BHMT: variants seen among roughly 807,000 people sequenced by gnomAD.
BHMT encodes betaine--homocysteine S-methyltransferase.
BHMT carries 38 observed loss-of-function variants against 49.5 expected under a neutral mutation model. The ratio of observed to expected loss-of-function variants is 0.77; its 90% CI spans 0.59 to 1.01. The LOEUF (loss-of-function observed/expected upper bound fraction) is 1.01. Among genes scored for constraint, BHMT ranks in the 50% least tolerant of loss-of-function variants. The probability of loss-of-function intolerance (pLI) is 0.00; values close to 1 mark genes in which losing one functional copy is unlikely to be tolerated. For missense variants in BHMT, 426 were observed against 495.7 expected (o/e 0.86, Z 1.34); for synonymous variants, 166 against 176.3 (o/e 0.94, Z 0.46).
chr5:79,121,165 A>AAG (rs966546349), intron 4 of BHMT, 53 bp from the exon 5 acceptor site: 44 of 1,579,604 alleles, frequency 2.8e-5, no homozygotes, highest in Non-Finnish European at 3.7e-5. Context: ...AAAAAAAAAA[A>AAG]ATTGTTTTGG....
chr5:79,116,072 G>T, intron 2 of BHMT, 173 bp downstream of exon 2: 1 of 733,746 alleles, frequency 1.4e-6, no homozygotes, highest in South Asian at 4.5e-5. Context: ...TTAAAAATTA[G>T]CTGGACATGG....
chr5:79,128,243 G>A (rs1012407016), intron 7 of BHMT: 2 of 422,836 alleles, frequency 4.7e-6, no homozygotes, highest in Admixed American at 8.3e-5. Context: ...AATATAGGCT[G>A]GGTGCGGTGG....
chr5:79,118,123 C>T (rs781125904), intron 2 of BHMT, among the ~76,000 whole-genome samples: 4 of 152,180 alleles, frequency 2.6e-5, no homozygotes, highest in Non-Finnish European at 5.9e-5. Context: ...ATTTCTTAAA[C>T]TGAATACTTT....
intron 6 of BHMT, among the ~76,000 whole-genome samples, chr5:79,126,946 G>C (rs1756561147): frequency 6.6e-6 from 1 of 152,162 alleles, no homozygotes; most frequent in Non-Finnish European, 1.5e-5. Context: ...ATATTTTATA[G>C]GGACCCTTAG....
At chr5:79,124,658 G>A (rs896221303) in intron 5 of BHMT, among the ~76,000 whole-genome samples, 1 of 152,088 alleles carries the variant, frequency 6.6e-6, no homozygotes, top group African/African-American at 2.4e-5. Flanking sequence ...TATAAAGAAA[G>A]TTTTTGAAGA....
intron 2 of BHMT, among the ~76,000 whole-genome samples, chr5:79,118,218 C>T (rs1756415498): frequency 6.6e-6 from 1 of 152,184 alleles, no homozygotes; most frequent in South Asian, 2.1e-4. Flanking sequence ...GTAATCCTAG[C>T]ACTTTGGGAG....
At chr5:79,112,045 C>A in intron 1 of BHMT, 127 bp downstream of exon 1, 2 of 1,141,254 alleles carry the variant, frequency 1.8e-6, no homozygotes, top group Non-Finnish European at 2.4e-6. Context: ...TCCCTCCCCT[C>A]CCTCAGCCTC....
At position 79,120,339 on chromosome 5, in the gene BHMT, A is replaced by G; in HGVS notation, c.286-11A>G. ...GAAAATTTAGATGTCTCATATACTCACCCATTTTAGGGGCAGGAAGTCAAT... is the reference window on the plus strand; with the variant it reads ...GAAAATTTAGATGTCTCATATACTCGCCCATTTTAGGGGCAGGAAGTCAAT... On this transcript the variant is annotated splice_polypyrimidine_tract_variant and intron_variant, in intron 3 of 7. Coordinates refer to ENST00000274353, the MANE Select transcript of BHMT (RefSeq NM_001713.3). 4 of 1,599,096 alleles carry G rather than the reference A, an allele frequency of 2.5e-6. No homozygotes were observed. Among genetic ancestry groups the G allele is most frequent in the Non-Finnish European group, 3.4e-6 (4 of 1,175,080 alleles).
Position 79,115,918 on chromosome 5 carries a change from T to A in BHMT, c.166+19T>A, listed in dbSNP as rs1219178217. 6.3e-7 allele frequency: 1 copy of A among 1,598,336 alleles called. No homozygotes were observed. The highest frequency in any genetic ancestry group is 1.8e-5 in the Admixed American group (1 of 57,124). On this transcript the variant is annotated intron_variant, in intron 2 of 7. Coordinates refer to ENST00000274353, the MANE Select transcript of BHMT (RefSeq NM_001713.3). ...GAAGCAGGTTGGTGCAGAGCTCTAT[T>A]GTAAGTTCTCATAAAGGAGCCGGGT...
rs1028899430 is a variant in BHMT at position 79,119,350 on chromosome 5, G to A, written c.258G>A (p.Arg86=). ...FYASEDKLEN[R]GNYVLEKISG... ...CGAGTGAAGACAAGCTGGAGAACAG[G>A]GGCAACTATGTCTTAGAGAAGATAT... Residue 86 remains arginine (R), a synonymous_variant, in exon 3 of 8, where the codon AGG becomes AGA. Coordinates refer to ENST00000274353, the MANE Select transcript of BHMT (RefSeq NM_001713.3). 6 of 1,613,720 alleles carry A rather than the reference G, an allele frequency of 3.7e-6. No homozygotes were observed. In the African/African-American group the frequency reaches 8.0e-5, roughly 22 times the overall value.
At chr5:79,128,789 A>G (rs906809933) in intron 7 of BHMT, among the ~76,000 whole-genome samples, 10 of 152,150 alleles carry the variant, frequency 6.6e-5, no homozygotes, top group African/African-American at 2.4e-4. Flanking sequence ...GGGGAAGATG[A>G]ATAATACACT....
chr5:79,122,163 G>C (rs952583005), intron 5 of BHMT, among the ~76,000 whole-genome samples: 5 of 151,982 alleles, frequency 3.3e-5, no homozygotes, highest in Non-Finnish European at 7.4e-5. Context: ...GGCTGGTCTC[G>C]AACTCCTGAC....
At chr5:79,129,979 C>T (rs1214866132) in intron 7 of BHMT, among the ~76,000 whole-genome samples, 3 of 152,060 alleles carry the variant, frequency 2.0e-5, no homozygotes, top group South Asian at 2.1e-4. Flanking sequence ...GGCAACATGG[C>T]GAAACCCTGT....
intron 1 of BHMT, among the ~76,000 whole-genome samples, 166 bp downstream of exon 1, chr5:79,112,084 C>T (rs1051667276): frequency 3.3e-5 from 5 of 152,116 alleles, no homozygotes; most frequent in African/African-American, 1.2e-4. Flanking sequence ...AGAACTTCTC[C>T]AGCAGGACCC....
At chr5:79,119,201 T>G in intron 2 of BHMT, 58 bp from the exon 3 acceptor site, 13 of 1,332,802 alleles carry the variant, frequency 9.8e-6, no homozygotes, top group Non-Finnish European at 1.4e-5. Flanking sequence ...TGAGAGCCAT[T>G]TGAAAATATC....
chr5:79,125,948 A>T, intron 5 of BHMT, 98 bp from the exon 6 acceptor site: 1 of 1,301,786 alleles, frequency 7.7e-7, no homozygotes, highest in Non-Finnish European at 1.1e-6. Context: ...GTCTCAAAAA[A>T]TGAAAAAAGA....
In BHMT at chr5:79,132,034, TAAG is replaced by T. The variant is rs1328772102; in HGVS notation, c.*921_*923del. 3 of 152,104 alleles carry T rather than the reference TAAG, an allele frequency of 2.0e-5. No individual in the cohort carries two copies. Among genetic ancestry groups the T allele is most frequent in the South Asian group, 2.1e-4 (1 of 4,828 alleles). 9.4% of individuals were successfully genotyped at this position (152,104 alleles called of 1,614,324 possible). On this transcript the variant is annotated 3_prime_UTR_variant, in exon 8 of 8. Transcript: ENST00000274353. ...AGTTGGTAGCTTTTAAAAAATATAA[TAAG>T]AAAAAAGTAGAGATTCTCCAAACTC... is the stretch of plus-strand genomic sequence containing the variant.
rs752243322 is a variant in BHMT, at chr5:79,126,120, G to T, written c.700G>T (p.Gly234Cys). The T allele has an allele frequency of 7.4e-6, 12 of 1,613,312 alleles. No individual in the cohort carries two copies. In the East Asian group the frequency reaches 1.3e-4, roughly 18 times the overall value. ...AAAAACAGTGAAGCTCATGAAGGAG[G>T]GCTTGGAGGCTGCCCGACTGAAAGC... is the stretch of plus-strand genomic sequence containing the variant. ...SLKTVKLMKE[G>C]LEAARLKAHL... The change falls in exon 6 of 8, where the codon GGC (glycine) becomes TGC (cysteine). Residue 234 changes from glycine to cysteine, a missense_variant. Gly to Cys is a radical substitution (Grantham distance 159). Transcript: ENST00000274353.
At chr5:79,116,010 G>T in intron 2 of BHMT, 111 bp downstream of exon 2, 1 of 1,347,828 alleles carries the variant, frequency 7.4e-7, no homozygotes, top group South Asian at 1.9e-5. Context: ...TTGAGCCCAG[G>T]AGTTCAAGAC....
Sources: allele counts gnomAD v4.1 joint callset (sites outside exome capture counted in the v4.1 genomes callset), GRCh38; gene constraint gnomAD v4.1.1; transcripts MANE v1.5; gene names NCBI Gene and HGNC (gene_info 2026-07-23, HGNC 2026-07-21).